NME7: variants seen among roughly 807,000 people sequenced by gnomAD.
NME7 encodes NME/NM23 family member 7, also known as nucleoside diphosphate kinase 7.
Under a neutral mutation model 49.1 loss-of-function variants are expected in NME7, and 41 were observed. That is an observed-to-expected ratio of 0.83 (90% CI 0.65 to 1.08). The LOEUF (loss-of-function observed/expected upper bound fraction) is 1.08. Among genes scored for constraint, NME7 ranks in the 50% least tolerant of loss-of-function variants. The pLI, the probability that NME7 is intolerant of heterozygous loss-of-function variation, is 0.00. For synonymous variants in NME7, 139 were observed against 150.6 expected (o/e 0.92, Z 0.56); for missense variants, 423 against 463.4 (o/e 0.91, Z 0.80).
intron 10 of NME7, among the ~76,000 whole-genome samples, chr1:169,197,822 G>A (rs961508758): frequency 3.3e-5 from 5 of 151,962 alleles, no homozygotes; most frequent in African/African-American, 1.2e-4. Context: ...TCTCAGATAT[G>A]ACACCAAAAG....
intron 3 of NME7, among the ~76,000 whole-genome samples, chr1:169,311,416 CAAAAAAAAAAAAA>C (rs34576386): frequency 1.2e-5 from 1 of 83,648 alleles, no homozygotes; most frequent in Non-Finnish European, 2.2e-5. Flanking sequence ...GACTCCATCT[CAAAAAAAAAAAAA>C]AAAAAAAAAA....
chr1:169,275,752 C>T (rs1299645294), intron 7 of NME7, among the ~76,000 whole-genome samples: 2 of 133,024 alleles, frequency 1.5e-5, no homozygotes, highest in African/African-American at 5.1e-5. Context: ...GAGGGCATCC[C>T]TGTCCTGTGC....
chr1:169,269,870 T>G (rs1169057340), intron 7 of NME7, among the ~76,000 whole-genome samples: 1 of 134,416 alleles, frequency 7.4e-6, no homozygotes, highest in South Asian at 2.3e-4. Context: ...AATAGAATTA[T>G]TTTTTACAAC....
chr1:169,351,915 G>A (rs1653189798), intron 1 of NME7, among the ~76,000 whole-genome samples: 1 of 151,892 alleles, frequency 6.6e-6, no homozygotes, highest in Non-Finnish European at 1.5e-5. Context: ...TGAGTAACAA[G>A]ATCAAAGCCA....
intron 7 of NME7, among the ~76,000 whole-genome samples, chr1:169,259,095 C>A (rs78835797): frequency 0.12 from 15,888 of 133,100 alleles, 4,426 homozygotes; most frequent in Admixed American, 0.25. Context: ...ATATTGAATA[C>A]ATTTTACATT....
intron 8 of NME7, among the ~76,000 whole-genome samples, chr1:169,237,358 T>G (rs917737714): frequency 1.3e-5 from 2 of 152,116 alleles, no homozygotes; most frequent in African/African-American, 4.8e-5. Context: ...ATTTTGCAAC[T>G]AAAGTTTCCA....
intron 10 of NME7, among the ~76,000 whole-genome samples, chr1:169,216,622 T>A (rs1660980094): frequency 6.6e-6 from 1 of 152,240 alleles, no homozygotes; most frequent in Non-Finnish European, 1.5e-5. Context: ...AAACTCCAAT[T>A]TATTTATAGC....
chr1:169,197,499 G>A (rs1196451398), intron 10 of NME7, among the ~76,000 whole-genome samples: 2 of 152,050 alleles, frequency 1.3e-5, no homozygotes, highest in East Asian at 1.9e-4. Flanking sequence ...TGTACACATG[G>A]CACAAAGATA....
chr1:169,307,480 T>C (rs1160371585), intron 4 of NME7, among the ~76,000 whole-genome samples: 2 of 152,194 alleles, frequency 1.3e-5, no homozygotes, highest in Non-Finnish European at 2.9e-5. Context: ...ATGAAGTATT[T>C]CAAAAGGCAT....
chr1:169,172,053 G>A (rs114863935), intron 10 of NME7, among the ~76,000 whole-genome samples: 2,563 of 152,078 alleles, frequency 0.017, 37 homozygotes, highest in Middle Eastern at 0.034. Context: ...ATGTGAAGGC[G>A]CTGATTTACT....
intron 11 of NME7, among the ~76,000 whole-genome samples, chr1:169,138,993 G>A (rs1316894305): frequency 6.6e-6 from 1 of 152,138 alleles, no homozygotes; most frequent in Admixed American, 6.5e-5. Context: ...CCTCGAAGAT[G>A]GTTTTGGTTG....
At chr1:169,172,323 C>CGT (rs200830717) in intron 10 of NME7, among the ~76,000 whole-genome samples, 8,275 of 127,658 alleles carry the variant, frequency 0.065, 304 homozygotes, top group Admixed American at 0.13. Context: ...CAAAAACATA[C>CGT]GTGTGTGTGT....
intron 11 of NME7, among the ~76,000 whole-genome samples, chr1:169,154,842 C>G (rs1659021007): frequency 6.6e-6 from 1 of 151,222 alleles, no homozygotes; most frequent in South Asian, 2.1e-4. Context: ...TCCATTAGTC[C>G]TAGTTAAATA....
At chr1:169,305,636 A>C (rs571559976) in intron 4 of NME7, among the ~76,000 whole-genome samples, 1 of 152,322 alleles carries the variant, frequency 6.6e-6, no homozygotes, top group South Asian at 2.1e-4. Context: ...GCCTCTCTTC[A>C]GTATAAAGAG....
chr1:169,201,900 T>C (rs931059760), intron 10 of NME7, among the ~76,000 whole-genome samples: 1 of 151,854 alleles, frequency 6.6e-6, no homozygotes, highest in Admixed American at 6.6e-5. Context: ...TGCAGAAAAA[T>C]ATCAAAGTTC....
chr1:169,172,199 G>A (rs796076854), intron 10 of NME7, among the ~76,000 whole-genome samples: 19 of 151,312 alleles, frequency 1.3e-4, no homozygotes, highest in African/African-American at 4.6e-4. Context: ...TCTCCTGCAC[G>A]TTTTAGAGTG....
Position 169,169,534 on chromosome 1 carries a change from G to A in NME7, c.1011C>T (p.Arg337=). The A allele has an allele frequency of 6.2e-7, 1 of 1,613,922 alleles. No individual in the cohort carries two copies. Among genetic ancestry groups the A allele is most frequent in the Non-Finnish European group, 8.5e-7 (1 of 1,179,900 alleles). ...PADPEIARHL[R]PGTLRAIFGK... is the part of the protein sequence containing the mutation. The stretch of plus-strand genomic sequence containing the variant: ...CAAAGATTGCTCTGAGAGTTCCAGG[G>A]CGTAAATGCCGGGCAATTTCCTATT... The change falls in exon 11 of 12, where the codon CGC becomes CGT. Residue 337 remains arginine (R), a synonymous_variant. Transcript: ENST00000367811.
chr1:169,135,014 CAAAAAAAAAAA>C (rs58463903), intron 11 of NME7, among the ~76,000 whole-genome samples: 707 of 50,394 alleles, frequency 0.014, 16 homozygotes, highest in Non-Finnish European at 0.019. Flanking sequence ...CCCGTCTCTA[CAAAAAAAAAAA>C]AAAAAAAAAA....
chr1:169,305,628 C>T (rs555746400), intron 4 of NME7, among the ~76,000 whole-genome samples: 2 of 152,262 alleles, frequency 1.3e-5, no homozygotes, highest in East Asian at 3.9e-4. Context: ...AAGGTAAAGC[C>T]TCTCTTCAGT....
Sources: gnomAD v4.1 joint callset for allele counts (sites outside exome capture counted in the v4.1 genomes callset) on GRCh38, gnomAD v4.1.1 for gene constraint, MANE v1.5 for transcripts, NCBI Gene and HGNC (gene_info 2026-07-23, HGNC 2026-07-21) for gene names.